The following PCDH9 variants were observed in gnomAD, a reference collection of about 807,000 sequenced individuals.
PCDH9 encodes protocadherin 9.
PCDH9 carries 24 observed loss-of-function variants against 70.6 expected under a neutral mutation model. That is an observed-to-expected ratio of 0.34 (90% CI 0.25 to 0.48). The LOEUF (loss-of-function observed/expected upper bound fraction) is 0.48. Ranked by LOEUF, PCDH9 falls within the 20% of genes least tolerant of loss-of-function variation. PCDH9 has a pLI of 0.99. For synonymous variants in PCDH9, 562 were observed against 558.5 expected (o/e 1.01, Z -0.09); for missense variants, 1,281 against 1,503.6 (o/e 0.85, Z 2.45).
At chr13:67,213,540 A>G (rs370747887) in intron 2 of PCDH9, 1 of 152,078 alleles carries the variant, frequency 6.6e-6, no homozygotes, top group African/African-American at 2.4e-5. Context: ...CAATCCTTGT[A>G]ATAACCCTAA....
At chr13:66,812,680 C>T (rs1453920832) in intron 3 of PCDH9, among the ~76,000 whole-genome samples, 1 of 152,108 alleles carries the variant, frequency 6.6e-6, no homozygotes, top group Non-Finnish European at 1.5e-5. Flanking sequence ...AATGTTGTTT[C>T]CATGAGCAGT....
chr13:66,948,166 A>G (rs1037327398), intron 2 of PCDH9, among the ~76,000 whole-genome samples: 1 of 152,134 alleles, frequency 6.6e-6, no homozygotes, highest in Non-Finnish European at 1.5e-5. Context: ...CTCTGGAGAA[A>G]TGGTCTGTTC....
intron 2 of PCDH9, among the ~76,000 whole-genome samples, chr13:67,136,952 A>G (rs796274036): frequency 5.5e-4 from 84 of 152,102 alleles, no homozygotes; most frequent in African/African-American, 1.9e-3. Flanking sequence ...AAAAGTTTCT[A>G]TAAAATGATT....
intron 4 of PCDH9, among the ~76,000 whole-genome samples, chr13:66,334,179 C>G (rs960357225): frequency 1.4e-4 from 22 of 152,082 alleles, no homozygotes; most frequent in Non-Finnish European, 3.1e-4. Context: ...ACCAACCTCT[C>G]TTCATCCCTC....
At chr13:67,212,221 G>A (rs980779187) in intron 2 of PCDH9, 1 of 151,900 alleles carries the variant, frequency 6.6e-6, no homozygotes, top group Non-Finnish European at 1.5e-5. Context: ...TAGAGTAATA[G>A]ATCTTAGAAT....
intron 2 of PCDH9, among the ~76,000 whole-genome samples, chr13:66,961,759 T>A (rs1384784694): frequency 6.6e-6 from 1 of 152,094 alleles, no homozygotes; most frequent in African/African-American, 2.4e-5. Flanking sequence ...ACTTTGATTA[T>A]AAATCATAGA....
At chr13:66,496,550 GAATA>G (rs933100283) in intron 4 of PCDH9, among the ~76,000 whole-genome samples, 4 of 152,262 alleles carry the variant, frequency 2.6e-5, no homozygotes, top group Admixed American at 2.6e-4. Context: ...AATACTGGTT[GAATA>G]AATAAATATT....
At chr13:67,041,989 C>A (rs2085126214) in intron 2 of PCDH9, among the ~76,000 whole-genome samples, 1 of 152,052 alleles carries the variant, frequency 6.6e-6, no homozygotes, top group African/African-American at 2.4e-5. Flanking sequence ...CTATAAAAAA[C>A]ATTTGTACAA....
At chr13:66,801,833 A>T (rs545531761) in intron 3 of PCDH9, among the ~76,000 whole-genome samples, 129 of 152,196 alleles carry the variant, frequency 8.5e-4, no homozygotes, top group Non-Finnish European at 1.4e-3. Flanking sequence ...CATTAAAAAA[A>T]TCTATACAGC....
intron 4 of PCDH9, among the ~76,000 whole-genome samples, chr13:66,401,037 G>A (rs978438916): frequency 3.9e-5 from 6 of 152,158 alleles, no homozygotes; most frequent in South Asian, 4.1e-4. Flanking sequence ...TGGGGAAATC[G>A]TAAGTGTGTG....
chr13:66,586,285 T>C (rs780805857), intron 4 of PCDH9, among the ~76,000 whole-genome samples: 47 of 152,042 alleles, frequency 3.1e-4, no homozygotes, highest in Non-Finnish European at 5.3e-4. Context: ...GATGCACACA[T>C]AGAGAGAGAG....
intron 4 of PCDH9, among the ~76,000 whole-genome samples, chr13:66,342,887 C>T (rs371171420): frequency 6.6e-6 from 1 of 151,912 alleles, no homozygotes; most frequent in African/African-American, 2.4e-5. Context: ...CTTGGACAAT[C>T]CGCCCACCTC....
intron 4 of PCDH9, among the ~76,000 whole-genome samples, chr13:66,579,117 A>C (rs1202746035): frequency 6.6e-6 from 1 of 152,054 alleles, no homozygotes; most frequent in African/African-American, 2.4e-5. Context: ...AAGCCCCTCT[A>C]TTCTACAGGT....
intron 2 of PCDH9, among the ~76,000 whole-genome samples, chr13:67,187,339 G>A: frequency 6.6e-6 from 1 of 152,146 alleles, no homozygotes; most frequent in East Asian, 1.9e-4. Flanking sequence ...AGGGATAGAG[G>A]AAAGGCAGAG....
intron 2 of PCDH9, among the ~76,000 whole-genome samples, chr13:66,915,294 G>A (rs2082539174): frequency 6.6e-6 from 1 of 151,402 alleles, no homozygotes; most frequent in Non-Finnish European, 1.5e-5. Context: ...ATGGCTTTTT[G>A]GGATCTTGTA....
At chr13:67,077,167 A>AATCAAAGCTCCCACTCCCTG (rs2085894106) in intron 2 of PCDH9, among the ~76,000 whole-genome samples, 1 of 152,046 alleles carries the variant, frequency 6.6e-6, no homozygotes, top group Non-Finnish European at 1.5e-5. Flanking sequence ...ACCACTCCCT[A>AATCAAAGCTCCCACTCCCTG]ATCAAAGCTC....
At chr13:67,104,552 ATT>A (rs879501757) in intron 2 of PCDH9, among the ~76,000 whole-genome samples, 2 of 146,316 alleles carry the variant, frequency 1.4e-5, no homozygotes, top group South Asian at 2.2e-4. Flanking sequence ...TTGTTATACA[ATT>A]TTTTTTTTTT....
intron 4 of PCDH9, among the ~76,000 whole-genome samples, chr13:66,389,906 T>C (rs1394168704): frequency 6.6e-6 from 1 of 152,202 alleles, no homozygotes; most frequent in Admixed American, 6.5e-5. Context: ...TCCTAGAATG[T>C]TATCTCTTTA....
intron 2 of PCDH9, among the ~76,000 whole-genome samples, chr13:67,030,559 T>A (rs1214264605): frequency 6.6e-6 from 1 of 151,678 alleles, no homozygotes; most frequent in Non-Finnish European, 1.5e-5. Flanking sequence ...CTTTGTAAGA[T>A]CAAATGTTCT....
Sources: allele counts gnomAD v4.1 joint callset (sites outside exome capture counted in the v4.1 genomes callset), GRCh38; gene constraint gnomAD v4.1.1; transcripts MANE v1.5; gene names NCBI Gene and HGNC (gene_info 2026-07-23, HGNC 2026-07-21).